The following LARS2 variants were observed in gnomAD, a reference collection of about 807,000 sequenced individuals.
The protein encoded by LARS2 is leucine--tRNA ligase, mitochondrial.
A neutral mutation model predicts 116.6 loss-of-function variants in LARS2; 81 were observed. That is an observed-to-expected ratio of 0.69 (90% CI 0.58 to 0.84). LARS2 has a LOEUF of 0.84. Ranked by LOEUF, LARS2 falls within the 40% of genes least tolerant of loss-of-function variation. The pLI is 0.00. For synonymous variants in LARS2, 396 were observed against 407.2 expected, an observed-to-expected ratio of 0.97 and a Z score of 0.33; for missense variants, 968 against 1,114.5, an observed-to-expected ratio of 0.87 and a Z score of 1.87.
At chr3:45,399,103 T>C (rs1471712765) in intron 3 of LARS2, among the ~76,000 whole-genome samples, 1 of 152,240 alleles carries the variant, frequency 6.6e-6, no homozygotes, top group Non-Finnish European at 1.5e-5. Context: ...TGGAGAGTTA[T>C]ATAACCCTGG....
At chr3:45,536,517 G>A (rs943679028) in intron 20 of LARS2, among the ~76,000 whole-genome samples, 4 of 152,206 alleles carry the variant, frequency 2.6e-5, no homozygotes, top group Admixed American at 6.5e-5. Context: ...GGCAGAGTAC[G>A]TGGAATGTGC....
In LARS2 at chr3:45,473,691, G is replaced by GT. The variant is rs763467707; in HGVS notation, c.751-536dup. On this transcript the variant is annotated intron_variant, in intron 8 of 21. Coordinates refer to ENST00000645846, the MANE Select transcript of LARS2 (RefSeq NM_015340.4). ...GAGCCACTGCACCTGGCCTGTTGTT[G>GT]TTTTTTTTTTTTTTTTATCACACAT... 6.4e-3 allele frequency among the ~76,000 whole-genome samples: 816 copies of GT among 127,266 alleles called. 2 individuals are homozygous for GT. Among genetic ancestry groups the GT allele is most frequent in the East Asian group, 0.019 (86 of 4,466 alleles). The allele number at this position is 127,266 out of a possible 152,430, so 83.5% of individuals were successfully genotyped here. A position where few individuals can be genotyped will look rare whatever the true frequency, so the allele number is the denominator to read the frequency against.
intron 4 of LARS2, among the ~76,000 whole-genome samples, chr3:45,400,816 C>T (rs1285538905): frequency 6.6e-6 from 1 of 151,850 alleles, no homozygotes; most frequent in Non-Finnish European, 1.5e-5. Context: ...GCATGTATTT[C>T]TTTTCTTTTT....
intron 11 of LARS2, 122 bp downstream of exon 11, chr3:45,485,918 A>G: frequency 3.6e-6 from 2 of 551,122 alleles, no homozygotes; most frequent in Non-Finnish European, 6.5e-6. Flanking sequence ...TTGCCTCCTC[A>G]TAAAAATGAA....
chr3:45,443,269 C>T (rs1378141004), intron 6 of LARS2, among the ~76,000 whole-genome samples: 1 of 152,162 alleles, frequency 6.6e-6, no homozygotes, highest in Non-Finnish European at 1.5e-5. Flanking sequence ...TGATTTCTAG[C>T]CAGGTGACTA....
intron 7 of LARS2, among the ~76,000 whole-genome samples, chr3:45,456,419 C>T (rs1699214130): frequency 6.6e-6 from 1 of 152,140 alleles, no homozygotes; most frequent in South Asian, 2.1e-4. Context: ...CCTGTCTCTA[C>T]TAAAAATACA....
intron 6 of LARS2, among the ~76,000 whole-genome samples, chr3:45,437,359 T>C (rs1262855791): frequency 6.6e-6 from 1 of 152,214 alleles, no homozygotes; most frequent in African/African-American, 2.4e-5. Flanking sequence ...CTTAGACAAA[T>C]GTTAGGCTCA....
At chr3:45,416,335 G>A (rs1698421784) in intron 4 of LARS2, among the ~76,000 whole-genome samples, 1 of 150,210 alleles carries the variant, frequency 6.7e-6, no homozygotes, top group Non-Finnish European at 1.5e-5. Context: ...CTCAATCAGG[G>A]GAGAGAGAGA....
Position 45,476,523 on chromosome 3 carries a change from C to T in LARS2, c.914C>T (p.Ala305Val). The change falls in exon 10 of 22, where the codon GCC becomes GTC. Residue 305 changes from alanine to valine, a missense_variant. Transcript: ENST00000645846. ...KLTAYTATPE[A>V]IYGTSHVAIS... ...ACTGCCTATACGGCCACCCCTGAAG[C>T]CATTTATGGCACCTCCCACGTGGCC... 1 of 1,614,236 alleles carries T rather than the reference C, an allele frequency of 6.2e-7. No individual in the cohort carries two copies. The highest frequency in any genetic ancestry group is 8.5e-7 in the Non-Finnish European group (1 of 1,180,018).
rs1387359326 is a variant in LARS2 at position 45,548,773 on chromosome 3, TC to T, written c.*1248del. ...TTTTCTGAAGTAGCCTCACATGTGG[TC>T]CCCCTGCAGTTCAGCAGTTAACAGA... On this transcript the variant is annotated 3_prime_UTR_variant, in exon 22 of 22. Transcript: ENST00000645846. 2.6e-5 allele frequency: 4 copies of T among 152,194 alleles called. No homozygotes were observed. Among genetic ancestry groups the T allele is most frequent in the African/African-American group, 9.7e-5 (4 of 41,436 alleles). 9.4% of individuals were successfully genotyped at this position (152,194 alleles called of 1,614,324 possible).
chr3:45,435,276 G>A (rs931047432), intron 6 of LARS2, among the ~76,000 whole-genome samples: 4 of 152,128 alleles, frequency 2.6e-5, no homozygotes, highest in Non-Finnish European at 5.9e-5. Context: ...CCTGTGGGCT[G>A]CACTGATACC....
chr3:45,412,907 C>T (rs35019595), intron 4 of LARS2, among the ~76,000 whole-genome samples: 17,654 of 152,320 alleles, frequency 0.12, 1,261 homozygotes, highest in Middle Eastern at 0.18. Flanking sequence ...CAGGCCCCAT[C>T]CTTCCAGTGC....
intron 19 of LARS2, among the ~76,000 whole-genome samples, chr3:45,523,518 G>A (rs1402209809): frequency 6.6e-6 from 1 of 151,584 alleles, no homozygotes; most frequent in Non-Finnish European, 1.5e-5. Context: ...ATTTGTTGTT[G>A]CTGCTGCTGG....
intron 6 of LARS2, among the ~76,000 whole-genome samples, chr3:45,425,676 G>A (rs1052802503): frequency 6.6e-6 from 1 of 152,124 alleles, no homozygotes; most frequent in African/African-American, 2.4e-5. Context: ...GCTTCTATTT[G>A]TCTTTCTCTC....
At chr3:45,390,930 G>A (rs569312929) in intron 1 of LARS2, among the ~76,000 whole-genome samples, 124 of 152,022 alleles carry the variant, frequency 8.2e-4, no homozygotes, top group African/African-American at 2.6e-3. Context: ...GTGAGCCACC[G>A]CACCTGGCCC....
intron 3 of LARS2, among the ~76,000 whole-genome samples, chr3:45,397,052 A>T (rs1035278242): frequency 1.1e-4 from 16 of 152,224 alleles, no homozygotes; most frequent in African/African-American, 3.6e-4. Flanking sequence ...AGCGTGATCT[A>T]TAAAGAGGCA....
intron 16 of LARS2, among the ~76,000 whole-genome samples, chr3:45,515,861 C>T (rs1208255536): frequency 1.3e-5 from 2 of 152,202 alleles, no homozygotes; most frequent in East Asian, 3.8e-4. Flanking sequence ...GCCATTATAA[C>T]TGTCCTGTTT....
At chr3:45,470,998 A>G (rs1007804630) in intron 8 of LARS2, among the ~76,000 whole-genome samples, 1 of 148,800 alleles carries the variant, frequency 6.7e-6, no homozygotes, top group Non-Finnish European at 1.5e-5. Flanking sequence ...ATGTAAAGAC[A>G]TGAAATGAGG....
At chr3:45,530,000 AGACTTCAGAGAGTCAGTCAAAACAC>A (rs1245777898) in intron 20 of LARS2, among the ~76,000 whole-genome samples, 4 of 152,188 alleles carry the variant, frequency 2.6e-5, no homozygotes, top group Non-Finnish European at 5.9e-5. Flanking sequence ...CTGTCTGGAC[AGACTTCAGAGAGTCAGTCAAAACAC>A]GACTTCAGAG....
Sources: gnomAD v4.1 joint callset for allele counts (sites outside exome capture counted in the v4.1 genomes callset) on GRCh38, gnomAD v4.1.1 for gene constraint, MANE v1.5 for transcripts, NCBI Gene and HGNC (gene_info 2026-07-23, HGNC 2026-07-21) for gene names.